Variants in BCL2L1 observed in about 807,000 individuals in gnomAD.
The protein encoded by BCL2L1 is bcl-2-like protein 1.
Under a neutral mutation model 18.7 loss-of-function variants are expected in BCL2L1, and 1 was observed. The observed-to-expected ratio is 0.05, with a 90% CI of 0.02 to 0.25. The LOEUF (loss-of-function observed/expected upper bound fraction) is 0.25. Among genes scored for constraint, BCL2L1 ranks in the 10% least tolerant of loss-of-function variants. The pLI, the probability that BCL2L1 is intolerant of heterozygous loss-of-function variation, is 1.00. For missense variants in BCL2L1, 207 were observed against 304.9 expected (o/e 0.68, Z 2.39); for synonymous variants, 103 against 122.7 (o/e 0.84, Z 1.06).
intron 2 of BCL2L1, among the ~76,000 whole-genome samples, chr20:31,666,918 GC>G (rs2060597210): frequency 6.6e-6 from 1 of 152,088 alleles, no homozygotes; most frequent in Non-Finnish European, 1.5e-5. Context: ...AAATTACCCA[GC>G]CCAGGGTGCA....
chr20:31,685,317 G>A (rs563696709), intron 2 of BCL2L1, among the ~76,000 whole-genome samples: 3 of 151,816 alleles, frequency 2.0e-5, no homozygotes, highest in East Asian at 1.9e-4. Flanking sequence ...GGAGAATGGC[G>A]TGAACCCAGG....
At chr20:31,683,769 CAAAAAAAAAAAAAAAAAAAA>C (rs372160646) in intron 2 of BCL2L1, among the ~76,000 whole-genome samples, 116 of 80,712 alleles carry the variant, frequency 1.4e-3, no homozygotes, top group Non-Finnish European at 2.4e-3. Flanking sequence ...AACTCCATCT[CAAAAAAAAAAAAAAAAAAAA>C]AAAAAAAAAA....
chr20:31,706,644 A>G (rs2061372932), intron 2 of BCL2L1, among the ~76,000 whole-genome samples: 2 of 152,240 alleles, frequency 1.3e-5, no homozygotes, highest in African/African-American at 4.8e-5. Flanking sequence ...TCAGGTTTAC[A>G]GAGGGAAGTA....
At chr20:31,667,464 A>AAAAGG (rs1323881178) in intron 2 of BCL2L1, among the ~76,000 whole-genome samples, 1 of 127,406 alleles carries the variant, frequency 7.8e-6, no homozygotes, top group Non-Finnish European at 1.7e-5. Context: ...TCAAAAAAAA[A>AAAAGG]AAAGGAAGTA....
chr20:31,683,769 CAAAA>C lies in BCL2L1; in HGVS notation c.565-17687_565-17684del, dbSNP rs372160646. Among the ~76,000 whole-genome samples, 711 of 79,804 alleles carry C rather than the reference CAAAA, an allele frequency of 8.9e-3. No homozygotes were observed. The East Asian group carries it at 0.11, about 12-fold the overall frequency. The allele number at this position is 79,804 out of a possible 152,430, so 52.4% of individuals were successfully genotyped here. On this transcript the variant is annotated intron_variant, in intron 2 of 2. Coordinates refer to ENST00000307677, the MANE Select transcript of BCL2L1 (RefSeq NM_138578.3). The stretch of plus-strand genomic sequence containing the variant: ...GGGCAACAAGAGTGAAACTCCATCT[CAAAA>C]AAAAAAAAAAAAAAAAAAAAAAAAA...
chr20:31,715,343 T>C (rs1465718446), intron 2 of BCL2L1, among the ~76,000 whole-genome samples: 1 of 151,872 alleles, frequency 6.6e-6, no homozygotes, highest in Admixed American at 6.6e-5. Flanking sequence ...TAATGCTGTA[T>C]GCGATCTGGC....
At chr20:31,713,472 A>G (rs905557754) in intron 2 of BCL2L1, 11 of 985,262 alleles carry the variant, frequency 1.1e-5, no homozygotes, top group African/African-American at 5.2e-5. Flanking sequence ...GAAGCAGTCC[A>G]TGGAAGTCAT....
chr20:31,715,538 C>T (rs2061520241), intron 2 of BCL2L1, among the ~76,000 whole-genome samples: 1 of 152,150 alleles, frequency 6.6e-6, no homozygotes, highest in Admixed American at 6.5e-5. Context: ...CCTACATCAT[C>T]CACCTCCTTA....
At position 31,681,004 on chromosome 20, in the gene BCL2L1, C is replaced by G. The variant is rs535406478; in HGVS notation, c.565-14918G>C. On this transcript the variant is annotated intron_variant, in intron 2 of 2. Coordinates refer to ENST00000307677, the MANE Select transcript of BCL2L1 (RefSeq NM_138578.3). ...GGCTGTGGGAACAAGTGCAAAGGCC[C>G]AGAGGCAGGAACACGCTTGAGGTGC... Among the ~76,000 whole-genome samples the G allele has an allele frequency of 6.5e-4, 99 of 152,330 alleles. 1 individual carries two copies. In the South Asian group the frequency reaches 0.018, roughly 28 times the overall value.
intron 2 of BCL2L1, among the ~76,000 whole-genome samples, chr20:31,689,525 A>T (rs936463294): frequency 2.6e-5 from 4 of 152,006 alleles, no homozygotes; most frequent in African/African-American, 9.7e-5. Flanking sequence ...TCCTAGAGGC[A>T]GTAGTAGTCA....
intron 2 of BCL2L1, among the ~76,000 whole-genome samples, chr20:31,668,267 A>G (rs1486994901): frequency 2.3e-4 from 34 of 150,630 alleles, no homozygotes; most frequent in Admixed American, 1.5e-3. Flanking sequence ...CTAAAACAGT[A>G]CACCACCCCC....
chr20:31,686,567 A>C (rs568256398), intron 2 of BCL2L1, among the ~76,000 whole-genome samples: 2 of 152,118 alleles, frequency 1.3e-5, no homozygotes, highest in Non-Finnish European at 2.9e-5. Context: ...AATATCTTAG[A>C]GATGTTACAG....
chr20:31,683,896 A>G (rs1202325829), intron 2 of BCL2L1, among the ~76,000 whole-genome samples: 1 of 152,172 alleles, frequency 6.6e-6, no homozygotes, highest in African/African-American at 2.4e-5. Context: ...TGCTAAATAA[A>G]TAAATGCAAT....
intron 2 of BCL2L1, among the ~76,000 whole-genome samples, chr20:31,673,164 C>T (rs2060700082): frequency 6.6e-6 from 1 of 151,274 alleles, no homozygotes; most frequent in Non-Finnish European, 1.5e-5. Flanking sequence ...CTCAGCCTCC[C>T]AGGTTCAAGC....
intron 2 of BCL2L1, among the ~76,000 whole-genome samples, chr20:31,701,500 A>G (rs939811729): frequency 5.3e-5 from 8 of 152,292 alleles, no homozygotes; most frequent in African/African-American, 1.7e-4. Flanking sequence ...CTTCTTACCC[A>G]TATTTTCCTT....
intron 2 of BCL2L1, among the ~76,000 whole-genome samples, chr20:31,675,033 G>T (rs1317514871): frequency 6.6e-6 from 1 of 152,186 alleles, no homozygotes. Context: ...CCTGCCAGCT[G>T]AGGGGAACTG....
At chr20:31,687,835 C>T (rs2060988775) in intron 2 of BCL2L1, among the ~76,000 whole-genome samples, 1 of 152,102 alleles carries the variant, frequency 6.6e-6, no homozygotes, top group Admixed American at 6.6e-5. Flanking sequence ...GAGCCTGATT[C>T]CTTATCTGTA....
intron 2 of BCL2L1, among the ~76,000 whole-genome samples, chr20:31,705,596 T>C (rs1250826529): frequency 2.0e-5 from 3 of 152,222 alleles, no homozygotes; most frequent in African/African-American, 7.2e-5. Flanking sequence ...TATGTCATTG[T>C]CCCTGGAGTT....
At chr20:31,702,870 C>T (rs1227462769) in intron 2 of BCL2L1, among the ~76,000 whole-genome samples, 5 of 144,940 alleles carry the variant, frequency 3.4e-5, no homozygotes, top group East Asian at 4.8e-4. Context: ...CGCTTGAACC[C>T]GGGAGGCGGA....
Sources: gnomAD v4.1 joint callset for allele counts (sites outside exome capture counted in the v4.1 genomes callset) on GRCh38, gnomAD v4.1.1 for gene constraint, MANE v1.5 for transcripts, NCBI Gene and HGNC (gene_info 2026-07-23, HGNC 2026-07-21) for gene names.